Variants in CACNA1S observed in about 807,000 individuals in gnomAD.
The protein encoded by CACNA1S is voltage-dependent L-type calcium channel subunit alpha-1S.
CACNA1S carries 126 observed loss-of-function variants against 207.4 expected under a neutral mutation model. That is an observed-to-expected ratio of 0.61 (90% CI 0.53 to 0.70). CACNA1S has a LOEUF of 0.70. CACNA1S is among the 30% of genes least tolerant of loss of function. The pLI, the probability that CACNA1S is intolerant of heterozygous loss-of-function variation, is 0.00. For synonymous variants in CACNA1S, 960 were observed against 932.7 expected, an observed-to-expected ratio of 1.03 and a Z score of -0.53; for missense variants, 2,349 against 2,422.8, an observed-to-expected ratio of 0.97 and a Z score of 0.64.
chr1:201,054,576 G>C lies in CACNA1S; in HGVS notation c.3610-15C>G. On this transcript the variant is annotated splice_polypyrimidine_tract_variant and intron_variant, in intron 28 of 43. Coordinates refer to ENST00000362061, the MANE Select transcript of CACNA1S (RefSeq NM_000069.3). ...GCCAGGAAAGTCTGTGGAGAAAAGA[G>C]ACGAAGGGAGGGGAAGGAGAGGAGA... 1 of 1,609,624 alleles carries C rather than the reference G, an allele frequency of 6.2e-7. No homozygotes were observed. The highest frequency in any genetic ancestry group is 8.5e-7 in the Non-Finnish European group (1 of 1,177,658).
At chr1:201,092,729 C>T (rs536420947) in intron 3 of CACNA1S, among the ~76,000 whole-genome samples, 13 of 152,314 alleles carry the variant, frequency 8.5e-5, no homozygotes, top group African/African-American at 2.6e-4. Flanking sequence ...TTATTCTGTA[C>T]GCATTTGTCT....
In CACNA1S at chr1:201,068,981, T is replaced by C. The variant is rs115314061; in HGVS notation, c.2550+156A>G. 3.0e-3 allele frequency among the ~76,000 whole-genome samples: 451 copies of C among 152,318 alleles called. 3 individuals are homozygous for C. The highest frequency in any genetic ancestry group is 0.01 in the African/African-American group (430 of 41,568). On this transcript the variant is annotated intron_variant, in intron 19 of 43. Transcript: ENST00000362061. ...TTTACTTTCCAGCCCTCCATCCAGA[T>C]ACTTGTGGGCCTGCCGGTGTGCTGG...
intron 19 of CACNA1S, among the ~76,000 whole-genome samples, chr1:201,068,418 C>T (rs1245741525): frequency 5.3e-5 from 8 of 150,118 alleles, no homozygotes; most frequent in Admixed American, 4.0e-4. Flanking sequence ...AATTTTTGTA[C>T]TTTTAGTAGA....
chr1:201,098,934 C>T lies in CACNA1S; in HGVS notation c.259-4913G>A, dbSNP rs576442112. ...GGGGCCAAACTTAGCTGGAGGTTGG[C>T]GTGGTGTGTGACCCCTGATGCACAG... On this transcript the variant is annotated intron_variant, in intron 2 of 43. Transcript: ENST00000362061. 2.0e-4 allele frequency among the ~76,000 whole-genome samples: 31 copies of T among 152,278 alleles called. No homozygotes were observed. In the South Asian group the frequency reaches 5.8e-3, roughly 29 times the overall value.
rs1662239043 is a variant in CACNA1S, at chr1:201,091,698, G to A, written c.636C>T (p.Ile212=). The A allele has an allele frequency of 6.2e-7, 1 of 1,614,218 alleles. No individual in the cohort carries two copies. Among genetic ancestry groups the A allele is most frequent in the East Asian group, 2.2e-5 (1 of 44,876 alleles). The change falls in exon 5 of 44, where the codon ATC becomes ATT. Residue 212 remains isoleucine, a synonymous_variant. Coordinates refer to ENST00000362061, the MANE Select transcript of CACNA1S (RefSeq NM_000069.3). ...LVLFMVIIYA[I]IGLELFKGKM... ...TGCCCTTGAAGAGCTCCAGCCCGATGATGGCATAGATGATGACCATAAAGA... is the reference window on the plus strand; with the variant it reads ...TGCCCTTGAAGAGCTCCAGCCCGATAATGGCATAGATGATGACCATAAAGA...
At chr1:201,094,899 C>T (rs993229181) in intron 2 of CACNA1S, among the ~76,000 whole-genome samples, 12 of 152,048 alleles carry the variant, frequency 7.9e-5, no homozygotes, top group African/African-American at 2.7e-4. Context: ...TCACCTTTCC[C>T]CCTCTTCTGG....
rs772526979 is a variant in CACNA1S, at chr1:201,053,191, G to T, written c.3861+18C>A. 6.2e-7 allele frequency: 1 copy of T among 1,614,148 alleles called. No homozygotes were observed. Among genetic ancestry groups the T allele is most frequent in the Non-Finnish European group, 8.5e-7 (1 of 1,180,022 alleles). On this transcript the variant is annotated intron_variant, in intron 31 of 43. Coordinates refer to ENST00000362061, the MANE Select transcript of CACNA1S (RefSeq NM_000069.3). The surrounding 1 kb of genome is among the most constrained non-coding windows in gnomAD (Gnocchi z 5.1). ...TGGCCAAGATCCATGCTTTGGCCTG[G>T]GCCCGCCTGCCTCTCACCTGCATGC...
intron 39 of CACNA1S, 97 bp from the exon 40 acceptor site, chr1:201,043,628 A>G (rs1660371947): frequency 9.0e-7 from 1 of 1,112,910 alleles, no homozygotes; most frequent in Middle Eastern, 2.5e-4. Context: ...AAGCAATAGT[A>G]TTGGGAGACA....
intron 16 of CACNA1S, 135 bp from the exon 17 acceptor site, chr1:201,070,539 G>A (rs917492856): frequency 5.0e-6 from 6 of 1,192,866 alleles, no homozygotes; most frequent in African/African-American, 1.5e-5. Flanking sequence ...GGACCCTAGG[G>A]CTTTGGCAGA....
intron 28 of CACNA1S, among the ~76,000 whole-genome samples, chr1:201,057,761 A>T (rs1341993000): frequency 6.6e-6 from 1 of 152,186 alleles, no homozygotes; most frequent in Admixed American, 6.5e-5. Flanking sequence ...CAGGACTTGG[A>T]GACCAGCCTG....
In CACNA1S at chr1:201,089,396, G is replaced by A. The variant is rs1232779475; in HGVS notation, c.762C>T (p.Cys254=). 3 of 1,614,194 alleles carry A rather than the reference G, an allele frequency of 1.9e-6. No homozygotes were observed. Among genetic ancestry groups the A allele is most frequent in the Non-Finnish European group, 2.5e-6 (3 of 1,180,036 alleles). ...CCCGGCACTCACTGCCATTGATGGT[G>A]CACCGGCGCCCTGAGCCCGTCCTGG... ...PCARTGSGRR[C]TINGSECRGG... is the part of the protein sequence containing the mutation. The change falls in exon 6 of 44, where the codon TGC becomes TGT. Residue 254 remains cysteine, a synonymous_variant. Coordinates refer to ENST00000362061, the MANE Select transcript of CACNA1S (RefSeq NM_000069.3).
chr1:201,097,764 T>C (rs534675565), intron 2 of CACNA1S, among the ~76,000 whole-genome samples: 21 of 152,112 alleles, frequency 1.4e-4, no homozygotes, highest in Admixed American at 8.5e-4. Context: ...CCTCTCGGAG[T>C]TGCTGCTGGT....
At chr1:201,075,368 C>A in intron 13 of CACNA1S, 127 bp downstream of exon 13, 1 of 1,097,414 alleles carries the variant, frequency 9.1e-7, no homozygotes, top group Admixed American at 1.7e-5. Flanking sequence ...ACCGCATGGG[C>A]CTGGGAGCTC....
chr1:201,061,540 G>T, intron 24 of CACNA1S, 72 bp from the exon 25 acceptor site: 1 of 1,427,944 alleles, frequency 7.0e-7, no homozygotes. Context: ...GGGAAGGATG[G>T]GCTTTATCCC....
At chr1:201,111,202 G>A (rs759882014) in intron 1 of CACNA1S, among the ~76,000 whole-genome samples, 1 of 152,092 alleles carries the variant, frequency 6.6e-6, no homozygotes, top group Non-Finnish European at 1.5e-5. Context: ...CAGGGGAACA[G>A]GGCTGACCCT....
Position 201,076,124 on chromosome 1 carries a change from T to C in CACNA1S, c.1828-509A>G, listed in dbSNP as rs1661611885. ...TCTAGAAGCTTATTGCTGCTCTCTATGGACAAGAAATTGGACTGTGGGCTC... is the reference window on the plus strand; with the variant it reads ...TCTAGAAGCTTATTGCTGCTCTCTACGGACAAGAAATTGGACTGTGGGCTC... On this transcript the variant is annotated intron_variant, in intron 12 of 43. Transcript: ENST00000362061. 2.6e-5 allele frequency among the ~76,000 whole-genome samples: 4 copies of C among 152,300 alleles called. No individual in the cohort carries two copies. The South Asian group carries it at 8.3e-4, about 32-fold the overall frequency.
At chr1:201,093,748 C>G in intron 3 of CACNA1S, 134 bp downstream of exon 3, 1 of 1,128,952 alleles carries the variant, frequency 8.9e-7, no homozygotes, top group Non-Finnish European at 1.3e-6. Flanking sequence ...CGGCCTCTAA[C>G]AGAGGCTGCT....
At chr1:201,092,251 C>T in intron 3 of CACNA1S, 137 bp from the exon 4 acceptor site, 1 of 815,874 alleles carries the variant, frequency 1.2e-6, no homozygotes, top group East Asian at 2.6e-5. Context: ...ACGGGTGCAT[C>T]AACTAACAAA....
Position 201,053,554 on chromosome 1 carries a change from A to T in CACNA1S, c.3700T>A (p.Phe1234Ile), listed in dbSNP as rs1660733125. The change falls in exon 30 of 44, where the codon TTC becomes ATC. Residue 1234 changes from phenylalanine (F) to isoleucine (I), a missense_variant. By Grantham distance (21) the Phe-to-Ile change is conservative (BLOSUM62 0). Transcript: ENST00000362061. The surrounding 1 kb of genome is among the most constrained non-coding windows in gnomAD (Gnocchi z 5.1). ...PDESARISSAFFRLFRVMRLI... is the reference protein window; with the variant it reads ...PDESARISSAIFRLFRVMRLI... ...CTCATGACACGGAACAGGCGGAAGAAGGCGCTGGAGATGCGGGCACTCTCA... is the reference window on the plus strand; with the variant it reads ...CTCATGACACGGAACAGGCGGAAGATGGCGCTGGAGATGCGGGCACTCTCA... 6.2e-7 allele frequency: 1 copy of T among 1,613,072 alleles called. No individual in the cohort carries two copies.
Sources: gnomAD v4.1 joint callset for allele counts (sites outside exome capture counted in the v4.1 genomes callset) on GRCh38, gnomAD v4.1.1 for gene constraint, Gnocchi (gnomAD v3.1) non-coding constraint, MANE v1.5 for transcripts, NCBI Gene and HGNC (gene_info 2026-07-23, HGNC 2026-07-21) for gene names.